The following TRANK1 variants were observed in gnomAD, a reference collection of about 807,000 sequenced individuals.
TRANK1 encodes tetratricopeptide repeat and ankyrin repeat containing 1.
A neutral mutation model predicts 266.0 loss-of-function variants in TRANK1; 198 were observed. The observed-to-expected ratio is 0.74, with a 90% confidence interval of 0.66 to 0.84. The LOEUF is 0.84. TRANK1 is among the 40% of genes least tolerant of loss of function. TRANK1 has a pLI of 0.00. For missense variants in TRANK1, 3,326 were observed against 3,634.6 expected (o/e 0.92, Z 2.18); for synonymous variants, 1,396 against 1,384.1 (o/e 1.01, Z -0.19).
At chr3:36,908,759 C>T (rs2080010727) in intron 1 of TRANK1, among the ~76,000 whole-genome samples, 1 of 152,196 alleles carries the variant, frequency 6.6e-6, no homozygotes, top group South Asian at 2.1e-4. Flanking sequence ...GTAGTGAGTG[C>T]TATCCCTGTA....
chr3:36,851,731 A>G lies in TRANK1; in HGVS notation c.4875T>C (p.Phe1625=), dbSNP rs1381465718. The G allele has an allele frequency of 6.2e-7, 1 of 1,611,756 alleles. No individual in the cohort carries two copies. Among genetic ancestry groups the G allele is most frequent in the Non-Finnish European group, 8.5e-7 (1 of 1,179,296 alleles). Residue 1625 remains phenylalanine (F), a synonymous_variant, in exon 15 of 24, where the codon TTT becomes TTC. Transcript: ENST00000645898. The part of the protein sequence containing the change: ...EFDDVLLYNF[F]TDSEAYKEWK... Reference sequence around the variant, plus strand: ...AGGTGTGACATACCTCAGAATCAGTAAAAAAGTTGTAAAGGAGGACATCAT... The same window carrying G: ...AGGTGTGACATACCTCAGAATCAGTGAAAAAGTTGTAAAGGAGGACATCAT...
intron 13 of TRANK1, among the ~76,000 whole-genome samples, chr3:36,853,427 C>T (rs1273473901): frequency 1.1e-4 from 17 of 152,208 alleles, no homozygotes; most frequent in Admixed American, 1.1e-3. Flanking sequence ...ATGTGACTAT[C>T]CAATACTGTT....
chr3:36,887,009 C>G lies in TRANK1; in HGVS notation c.907+2820G>C, dbSNP rs560522843. Among the ~76,000 whole-genome samples the G allele has an allele frequency of 1.3e-4, 19 of 150,098 alleles. No homozygotes were observed. The South Asian group carries it at 3.8e-3, about 30-fold the overall frequency. On this transcript the variant is annotated intron_variant, in intron 8 of 23. Coordinates refer to ENST00000645898, the MANE Select transcript of TRANK1 (RefSeq NM_001329998.2). The stretch of plus-strand genomic sequence containing the variant: ...GGAAGTTCCGCTTCCTGGGTTCAAG[C>G]CATTCTCCTACCTCAGCCTCCCGAG...
Position 36,856,253 on chromosome 3 carries a change from C to T in TRANK1, c.3469G>A (p.Glu1157Lys). 1 of 1,611,498 alleles carries T rather than the reference C, an allele frequency of 6.2e-7. No individual in the cohort carries two copies. The highest frequency in any genetic ancestry group is 8.5e-7 in the Non-Finnish European group (1 of 1,178,564). ...VETVESIDEQEYEACAGGAGV... is the reference protein window; with the variant it reads ...VETVESIDEQKYEACAGGAGV... ...GCTCCTCCTGCGCAGGCTTCATACT[C>T]CTGCTCATCTATGCTTTCTACTGTT... is the stretch of plus-strand genomic sequence containing the variant. Residue 1157 changes from glutamate (E) to lysine (K), a missense_variant, in exon 13 of 24, where the codon GAG becomes AAG. Glu to Lys is a moderately conservative substitution (Grantham distance 56, BLOSUM62 1). Transcript: ENST00000645898.
chr3:36,932,230 A>T (rs532534437), intron 1 of TRANK1, among the ~76,000 whole-genome samples: 2 of 152,358 alleles, frequency 1.3e-5, no homozygotes, highest in East Asian at 3.9e-4. Flanking sequence ...AGATTCACTG[A>T]CATACTGCCA....
At chr3:36,928,617 T>A (rs1392207888) in intron 1 of TRANK1, among the ~76,000 whole-genome samples, 1 of 147,794 alleles carries the variant, frequency 6.8e-6, no homozygotes, top group Non-Finnish European at 1.5e-5. Context: ...CTTGTATCTC[T>A]GTGACCTGAG....
At chr3:36,853,024 GGA>G (rs1256791244) in intron 13 of TRANK1, among the ~76,000 whole-genome samples, 1 of 152,162 alleles carries the variant, frequency 6.6e-6, no homozygotes, top group Non-Finnish European at 1.5e-5. Context: ...TGTCAGAGCA[GGA>G]GAGAGGATTT....
intron 22 of TRANK1, 116 bp from the exon 23 acceptor site, chr3:36,829,778 A>G (rs2078671217): frequency 1.8e-6 from 2 of 1,084,626 alleles, no homozygotes; most frequent in African/African-American, 3.1e-5. Context: ...TTTTCCCTGA[A>G]AAGAGCCCTC....
chr3:36,945,183 G>A (rs993588676), upstream of TRANK1: 2 of 237,488 alleles, frequency 8.4e-6, no homozygotes, highest in Non-Finnish European at 1.6e-5. Flanking sequence ...AAATGGTATG[G>A]CTCTCGGCCG....
At chr3:36,942,895 G>C (rs140246883) in intron 1 of TRANK1, among the ~76,000 whole-genome samples, 2 of 148,744 alleles carry the variant, frequency 1.3e-5, no homozygotes, top group African/African-American at 4.9e-5. Flanking sequence ...AAAAAACATA[G>C]AATGGGCCGG....
At position 36,857,640 on chromosome 3, in the gene TRANK1, G is replaced by A; in HGVS notation, c.2082C>T (p.Ala694=). Residue 694 remains alanine, a synonymous_variant, in exon 13 of 24, where the codon GCC becomes GCT. Coordinates refer to ENST00000645898, the MANE Select transcript of TRANK1 (RefSeq NM_001329998.2). This position sits in a 1 kb window ranked among gnomAD's most constrained non-coding sequence, Gnocchi z 4.3. ...CTGCACTTCCTTCAGGCAGTGTTCTGGCAGTGGCACCACATGGCACTGACT... is the reference window on the plus strand; with the variant it reads ...CTGCACTTCCTTCAGGCAGTGTTCTAGCAGTGGCACCACATGGCACTGACT... The part of the protein sequence containing the change: ...SFKSVPCGAT[A]RTLPEGSAVP... 6.2e-7 allele frequency: 1 copy of A among 1,614,006 alleles called. No homozygotes were observed. The highest frequency in any genetic ancestry group is 1.1e-5 in the South Asian group (1 of 91,082).
Position 36,831,097 on chromosome 3 carries a change from C to T in TRANK1, c.8486G>A (p.Arg2829Lys), listed in dbSNP as rs769670724. The change falls in exon 22 of 24, where the codon AGG (arginine) becomes AAG (lysine). Residue 2829 changes from arginine (R) to lysine (K), a missense_variant. By Grantham distance (26) the Arg-to-Lys change is conservative (BLOSUM62 2). Transcript: ENST00000645898. This position sits in a 1 kb window ranked among gnomAD's most constrained non-coding sequence, Gnocchi z 5.0. The stretch of plus-strand genomic sequence containing the variant: ...GTATTTCTGGTAGGCCACTTGCTGC[C>T]TCTGGTGGTGTTCTAGATGGATATG... Reference protein sequence around the residue: ...EQHIHLEHHQRQQVAYQKYSE... With the variant: ...EQHIHLEHHQKQQVAYQKYSE... 66 of 1,613,864 alleles carry T rather than the reference C, an allele frequency of 4.1e-5. No homozygotes were observed. The South Asian group carries it at 6.7e-4, about 16-fold the overall frequency.
At chr3:36,873,069 A>G (rs1421732766) in intron 9 of TRANK1, among the ~76,000 whole-genome samples, 1 of 152,248 alleles carries the variant, frequency 6.6e-6, no homozygotes, top group Non-Finnish European at 1.5e-5. Context: ...ATCGATGAAC[A>G]TACCAGAAAA....
chr3:36,856,057 T>A lies in TRANK1; in HGVS notation c.3665A>T (p.Tyr1222Phe), dbSNP rs1303880976. The A allele has an allele frequency of 6.2e-7, 1 of 1,613,876 alleles. No individual in the cohort carries two copies. The highest frequency in any genetic ancestry group is 8.5e-7 in the Non-Finnish European group (1 of 1,179,876). Residue 1222 changes from tyrosine to phenylalanine, a missense_variant, in exon 13 of 24, where the codon TAC becomes TTC. Tyr to Phe is a conservative substitution (Grantham distance 22). Coordinates refer to ENST00000645898, the MANE Select transcript of TRANK1 (RefSeq NM_001329998.2). ...LSKSTKATSH[Y>F]KPLDPNIHKL... is the part of the protein sequence containing the mutation. Reference sequence around the variant, plus strand: ...GTGAATGTTGGGGTCCAGTGGTTTGTAATGACTAGTGGCCTTGGTGGACTT... The same window carrying A: ...GTGAATGTTGGGGTCCAGTGGTTTGAAATGACTAGTGGCCTTGGTGGACTT...
In TRANK1 at chr3:36,834,820, C is replaced by T; in HGVS notation, c.5605G>A (p.Ala1869Thr). The change falls in exon 21 of 24, where the codon GCA becomes ACA. Residue 1869 changes from alanine to threonine, a missense_variant. By Grantham distance (58) the Ala-to-Thr change is moderately conservative. Coordinates refer to ENST00000645898, the MANE Select transcript of TRANK1 (RefSeq NM_001329998.2). ...TCCTCTTGGCAGTACATTTTGAGTG[C>T]TAGATCAAATTCCTGAATCTGCTCA... ...CFEQIQEFDL[A>T]LKMYCQEELF... 1 of 1,613,780 alleles carries T rather than the reference C, an allele frequency of 6.2e-7. No individual in the cohort carries two copies. The highest frequency in any genetic ancestry group is 8.5e-7 in the Non-Finnish European group (1 of 1,179,836).
At position 36,908,391 on chromosome 3, in the gene TRANK1, C is replaced by T. The variant is rs1035474600; in HGVS notation, c.87G>A (p.Gly29=). The T allele has an allele frequency of 5.7e-6, 7 of 1,232,076 alleles. No homozygotes were observed. The highest frequency in any genetic ancestry group is 3.2e-5 in the East Asian group (1 of 31,718). The allele number at this position is 1,232,076 out of a possible 1,614,324, so 76.3% of individuals were successfully genotyped here. The change falls in exon 2 of 24, where the codon GGG becomes GGA. Residue 29 remains glycine (G), a synonymous_variant. Transcript: ENST00000645898. ...ACTTTCTGATGGCCAAAGAGAAGTT[C>T]CCATTCTTAAGAACCTGGTTGCCGG... The part of the protein sequence containing the change: ...KESGNQVLKN[G]NFSLAIRKYD...
intron 8 of TRANK1, among the ~76,000 whole-genome samples, chr3:36,887,149 A>G (rs2079619410): frequency 6.6e-6 from 1 of 152,074 alleles, no homozygotes; most frequent in Non-Finnish European, 1.5e-5. Flanking sequence ...GAAGATTTGC[A>G]AGGTAGAGAT....
chr3:36,848,373 C>T (rs2078942624), intron 15 of TRANK1, among the ~76,000 whole-genome samples: 1 of 152,076 alleles, frequency 6.6e-6, no homozygotes, highest in African/African-American at 2.4e-5. Flanking sequence ...AGTTTACAGA[C>T]CCCAGTAAAA....
At chr3:36,850,972 G>A in intron 15 of TRANK1, 7 of 985,626 alleles carry the variant, frequency 7.1e-6, no homozygotes, top group Non-Finnish European at 8.4e-6. Flanking sequence ...ACAGTCAGCA[G>A]CCAGCTTGAG....
Sources: gnomAD v4.1 joint callset for allele counts (sites outside exome capture counted in the v4.1 genomes callset) on GRCh38, gnomAD v4.1.1 for gene constraint, Gnocchi (gnomAD v3.1) non-coding constraint, MANE v1.5 for transcripts, NCBI Gene and HGNC (gene_info 2026-07-23, HGNC 2026-07-21) for gene names.